CNKSR3: variants seen among roughly 807,000 people sequenced by gnomAD.
CNKSR3 encodes connector enhancer of kinase suppressor of ras 3.
In CNKSR3, 36 loss-of-function variants were observed where a neutral mutation model predicts 67.7. The observed-to-expected ratio is 0.53, with a 90% CI of 0.41 to 0.70. The LOEUF (loss-of-function observed/expected upper bound fraction) is 0.70. Among genes scored for constraint, CNKSR3 ranks in the 30% least tolerant of loss-of-function variants. The probability of loss-of-function intolerance (pLI) is 0.00; values close to 1 mark genes in which losing one functional copy is unlikely to be tolerated. For synonymous variants in CNKSR3, 281 were observed against 271.4 expected (o/e 1.04, Z -0.35); for missense variants, 630 against 695.2 (o/e 0.91, Z 1.05).
At chr6:154,489,837 G>A (rs1372297450) in intron 1 of CNKSR3, among the ~76,000 whole-genome samples, 3 of 152,246 alleles carry the variant, frequency 2.0e-5, no homozygotes, top group East Asian at 3.9e-4. Flanking sequence ...TACATACTAA[G>A]CTAGAAACAA....
chr6:154,505,893 C>T (rs555584112), intron 1 of CNKSR3, among the ~76,000 whole-genome samples: 9 of 152,278 alleles, frequency 5.9e-5, no homozygotes, highest in East Asian at 3.9e-4. Context: ...ACGTCTTCCT[C>T]GTCGAAGGCA....
chr6:154,476,701 T>C (rs1172468198), intron 1 of CNKSR3, among the ~76,000 whole-genome samples: 2 of 152,150 alleles, frequency 1.3e-5, no homozygotes, highest in Non-Finnish European at 2.9e-5. Context: ...GCCCTGTCAT[T>C]ATGGTAACCA....
intron 10 of CNKSR3, among the ~76,000 whole-genome samples, chr6:154,412,328 T>A (rs748729252): frequency 2.6e-5 from 4 of 152,212 alleles, no homozygotes; most frequent in Non-Finnish European, 4.4e-5. Context: ...AAATCCTTCA[T>A]GAGTGGTGTG....
rs922587518 is a variant in CNKSR3 at position 154,397,953 on chromosome 6, T to C, written c.*8401A>G. ...GGCGCAGAACAGGATTGAATTTCGC[T>C]AAAAAGACAAAGGAAGAAAAAGTAT... is the stretch of plus-strand genomic sequence containing the variant. On this transcript the variant is annotated 3_prime_UTR_variant, in exon 13 of 13. Transcript: ENST00000607772. 6.6e-6 allele frequency: 1 copy of C among 152,302 alleles called. No homozygotes were observed. Among genetic ancestry groups the C allele is most frequent in the African/African-American group, 2.4e-5 (1 of 41,468 alleles). 9.4% of individuals were successfully genotyped at this position (152,302 alleles called of 1,614,324 possible). A position where few individuals can be genotyped will look rare whatever the true frequency, so the allele number is the denominator to read the frequency against.
intron 7 of CNKSR3, among the ~76,000 whole-genome samples, chr6:154,426,672 G>A (rs1025534734): frequency 3.3e-5 from 5 of 152,082 alleles, no homozygotes; most frequent in South Asian, 2.1e-4. Flanking sequence ...TCTTTAAAAC[G>A]GGGGGTGGTG....
chr6:154,491,672 A>C lies in CNKSR3; in HGVS notation c.52+18391T>G, dbSNP rs778329504. ...TTTCCTGATCTTCATTTCCAAAACAATGTGAAAAAAAAAAATGAAGAGATA... is the reference window on the plus strand; with the variant it reads ...TTTCCTGATCTTCATTTCCAAAACACTGTGAAAAAAAAAAATGAAGAGATA... On this transcript the variant is annotated intron_variant, in intron 1 of 12. Coordinates refer to ENST00000607772, the MANE Select transcript of CNKSR3 (RefSeq NM_173515.4). 1.1e-4 allele frequency among the ~76,000 whole-genome samples: 16 copies of C among 150,496 alleles called. 1 individual carries two copies. The South Asian group carries it at 3.1e-3, about 29-fold the overall frequency.
intron 3 of CNKSR3, 39 bp downstream of exon 3, chr6:154,442,049 T>TA: frequency 6.5e-7 from 1 of 1,538,174 alleles, no homozygotes; most frequent in Non-Finnish European, 8.8e-7. Flanking sequence ...GGACTCTATC[T>TA]ACTCTTGCAG....
At chr6:154,456,353 A>C (rs1040391876) in intron 1 of CNKSR3, among the ~76,000 whole-genome samples, 1 of 151,824 alleles carries the variant, frequency 6.6e-6, no homozygotes, top group East Asian at 1.9e-4. Flanking sequence ...TTCAGAAATC[A>C]GTTTAGCTAA....
chr6:154,411,175 T>G, intron 10 of CNKSR3, 33 bp from the exon 11 acceptor site: 3 of 1,490,188 alleles, frequency 2.0e-6, no homozygotes, highest in Non-Finnish European at 2.8e-6. Context: ...ATTAAGTTGT[T>G]TACAAAGATG....
At chr6:154,500,391 A>G (rs1420884026) in intron 1 of CNKSR3, among the ~76,000 whole-genome samples, 1 of 152,164 alleles carries the variant, frequency 6.6e-6, no homozygotes, top group Non-Finnish European at 1.5e-5. Flanking sequence ...TCAGGAAAGC[A>G]TGATTCAGAT....
At chr6:154,476,405 C>A (rs933813482) in intron 1 of CNKSR3, among the ~76,000 whole-genome samples, 5 of 149,648 alleles carry the variant, frequency 3.3e-5, no homozygotes, top group African/African-American at 1.2e-4. Context: ...TGCGGTGAGC[C>A]GAGATCGTGC....
In CNKSR3 at chr6:154,396,929, A is replaced by G. The variant is rs1380188636; in HGVS notation, c.*9425T>C. ...ATTCTCCTGCCTCAACCTCCCGAGT[A>G]GCTGGGACTACAGGCGCCCGCCACC... On this transcript the variant is annotated 3_prime_UTR_variant, in exon 13 of 13. Transcript: ENST00000607772. 6.6e-6 allele frequency: 1 copy of G among 151,354 alleles called. No individual in the cohort carries two copies. Among genetic ancestry groups the G allele is most frequent in the African/African-American group, 2.4e-5 (1 of 41,124 alleles). 9.4% of individuals were successfully genotyped at this position (151,354 alleles called of 1,614,324 possible).
At position 154,448,256 on chromosome 6, in the gene CNKSR3, G is replaced by A. The variant is rs564001997; in HGVS notation, c.216+1839C>T. ...ACGTTTATCATCCCACTTGATGCAT[G>A]TGATGCGTCTCTAGCTGACCCTTCC... On this transcript the variant is annotated intron_variant, in intron 2 of 12. Transcript: ENST00000607772. Among the ~76,000 whole-genome samples, 236 of 152,114 alleles carry A rather than the reference G, an allele frequency of 1.6e-3. 1 individual carries two copies. Among genetic ancestry groups the A allele is most frequent in the African/African-American group, 5.3e-3 (222 of 41,504 alleles).
chr6:154,398,758 T>G lies in CNKSR3; in HGVS notation c.*7596A>C, dbSNP rs1316984744. 1 of 152,160 alleles carries G rather than the reference T, an allele frequency of 6.6e-6. No homozygotes were observed. The highest frequency in any genetic ancestry group is 2.4e-5 in the African/African-American group (1 of 41,432). The allele number at this position is 152,160 out of a possible 1,614,324, so 9.4% of individuals were successfully genotyped here. On this transcript the variant is annotated 3_prime_UTR_variant, in exon 13 of 13. Coordinates refer to ENST00000607772, the MANE Select transcript of CNKSR3 (RefSeq NM_173515.4). ...AGTGGAAGGGATTTAATAGAAAAGA[T>G]ATGATGATGACAAATCAAGTCAATA...
In CNKSR3 at chr6:154,427,756, T is replaced by TA. The variant is rs918962266; in HGVS notation, c.729+371dup. Among the ~76,000 whole-genome samples the TA allele has an allele frequency of 5.5e-4, 83 of 152,122 alleles. 1 individual carries two copies. The highest frequency in any genetic ancestry group is 1.9e-3 in the African/African-American group (79 of 41,504). On this transcript the variant is annotated intron_variant, in intron 7 of 12. Transcript: ENST00000607772. ...TTGGAGACATAAAAATTCCATTAAA[T>TA]AAAAAAAATTATATTTTATACACAT...
At position 154,472,622 on chromosome 6, in the gene CNKSR3, C is replaced by T. The variant is rs56997160; in HGVS notation, c.53-22364G>A. Among the ~76,000 whole-genome samples, 983 of 152,216 alleles carry T rather than the reference C, an allele frequency of 6.5e-3. 10 individuals are homozygous for T. The highest frequency in any genetic ancestry group is 0.023 in the African/African-American group (939 of 41,538). On this transcript the variant is annotated intron_variant, in intron 1 of 12. Transcript: ENST00000607772. ...ACAAACCCCATGAAAACAAAAACCACGACTGTTTTGGTCCACATCATGCCG... is the reference window on the plus strand; with the variant it reads ...ACAAACCCCATGAAAACAAAAACCATGACTGTTTTGGTCCACATCATGCCG...
chr6:154,491,371 C>T (rs1156278619), intron 1 of CNKSR3, among the ~76,000 whole-genome samples: 1 of 152,184 alleles, frequency 6.6e-6, no homozygotes, highest in Admixed American at 6.5e-5. Flanking sequence ...ACTCAATAAA[C>T]AGCTGGTGAA....
intron 1 of CNKSR3, among the ~76,000 whole-genome samples, chr6:154,505,724 T>A (rs529243884): frequency 1.3e-5 from 2 of 148,850 alleles, no homozygotes; most frequent in African/African-American, 2.4e-5. Flanking sequence ...ATGGTCTCGA[T>A]CTCCTGACCT....
At chr6:154,475,831 C>T (rs1029359980) in intron 1 of CNKSR3, among the ~76,000 whole-genome samples, 14 of 152,232 alleles carry the variant, frequency 9.2e-5, no homozygotes, top group East Asian at 1.9e-4. Flanking sequence ...GTGCCTTACA[C>T]GTGGTCGACG....
Sources: gnomAD v4.1 joint callset for allele counts (sites outside exome capture counted in the v4.1 genomes callset) on GRCh38, gnomAD v4.1.1 for gene constraint, MANE v1.5 for transcripts, NCBI Gene and HGNC (gene_info 2026-07-23, HGNC 2026-07-21) for gene names.